MRGPRX1: variants seen among roughly 807,000 people sequenced by gnomAD.
MRGPRX1 encodes the protein mas-related G protein-coupled receptor member X1.
For synonymous variants in MRGPRX1, 208 were observed against 170.4 expected, an observed-to-expected ratio of 1.22 and a Z score of -1.72; for missense variants, 411 against 393.8, an observed-to-expected ratio of 1.04 and a Z score of -0.37.
chr11:18,937,208 A>AT (rs36027473), intron 1 of MRGPRX1, among the ~76,000 whole-genome samples: 22 of 150,984 alleles, frequency 1.5e-4, no homozygotes, highest in Non-Finnish European at 5.9e-5. Flanking sequence ...TCCTTTCCTT[A>AT]TTTTTTTTCC....
chr11:18,933,812 T>G lies in MRGPRX1; in HGVS notation c.*4A>C. ...GTCCTGTCTGACAGGGCAGAGGCTC[T>G]TCCTCACTGCTCCAATCTGCTTCCC... On this transcript the variant is annotated 3_prime_UTR_variant, in exon 2 of 2. Transcript: ENST00000526914. The G allele has an allele frequency of 6.2e-7, 1 of 1,602,240 alleles. No homozygotes were observed. Among genetic ancestry groups the G allele is most frequent in the Non-Finnish European group, 8.5e-7 (1 of 1,173,814 alleles).
intron 1 of MRGPRX1, among the ~76,000 whole-genome samples, chr11:18,935,462 A>G (rs182522451): frequency 9.9e-5 from 15 of 151,676 alleles, no homozygotes; most frequent in African/African-American, 3.6e-4. Flanking sequence ...CAAAAATGAA[A>G]GCACAATGTA....
rs773698680 is a variant in MRGPRX1, at chr11:18,933,827, A to G, written c.958T>C (p.Leu320=). The change falls in exon 2 of 2, where the codon TTG becomes CTG. Residue 320 remains leucine (L), a synonymous_variant. Transcript: ENST00000526914. ...GCAGAGGCTCTTCCTCACTGCTCCAATCTGCTTCCCGACAGCTCCAGGATT... is the reference window on the plus strand; with the variant it reads ...GCAGAGGCTCTTCCTCACTGCTCCAGTCTGCTTCCCGACAGCTCCAGGATT... ...EEILELSGSR[L]EQ 8 of 1,607,564 alleles carry G rather than the reference A, an allele frequency of 5.0e-6. 1 individual carries two copies. Among genetic ancestry groups the G allele is most frequent in the African/African-American group, 4.0e-5 (3 of 74,600 alleles).
intron 1 of MRGPRX1, among the ~76,000 whole-genome samples, 196 bp downstream of exon 1, chr11:18,939,084 C>A (rs987175292): frequency 1.3e-5 from 2 of 151,344 alleles, no homozygotes; most frequent in African/African-American, 2.4e-5. Context: ...ACAGATAAAT[C>A]AAATGGGGGG....
chr11:18,938,322 A>G (rs1430902994), intron 1 of MRGPRX1, among the ~76,000 whole-genome samples: 3 of 151,570 alleles, frequency 2.0e-5, no homozygotes, highest in African/African-American at 7.3e-5. Flanking sequence ...TCTGCTTCTA[A>G]GAAGGCCTCA....
chr11:18,934,023 A>G lies in MRGPRX1; in HGVS notation c.762T>C (p.His254=). Residue 254 remains histidine, a synonymous_variant, in exon 2 of 2, where the codon CAT becomes CAC. Coordinates refer to ENST00000526914, the MANE Select transcript of MRGPRX1 (RefSeq NM_001393578.1). ...GAGCGGACAGGAAAATAGAAACTAG[A>G]TGAACATGACAAAATAAGACTTCCC... is the stretch of plus-strand genomic sequence containing the variant. ...VDREVLFCHV[H]LVSIFLSALN... 1.2e-6 allele frequency: 2 copies of G among 1,610,896 alleles called. No homozygotes were observed. Among genetic ancestry groups the G allele is most frequent in the South Asian group, 2.2e-5 (2 of 90,806 alleles).
At chr11:18,936,669 T>C (rs1254261902) in intron 1 of MRGPRX1, among the ~76,000 whole-genome samples, 1 of 151,462 alleles carries the variant, frequency 6.6e-6, no homozygotes, top group Non-Finnish European at 1.5e-5. Context: ...TTTAGGGTAA[T>C]GGTGTGTTTG....
chr11:18,934,528 C>A lies in MRGPRX1; in HGVS notation c.257G>T (p.Ser86Ile), dbSNP rs1463530262. The change falls in exon 2 of 2, where the codon AGC becomes ATC. Residue 86 changes from serine to isoleucine, a missense_variant. Coordinates refer to ENST00000526914, the MANE Select transcript of MRGPRX1 (RefSeq NM_001393578.1). ...LSGRLIYSLLSFISIPHTISK... is the reference protein window; with the variant it reads ...LSGRLIYSLLIFISIPHTISK... ...GATGGTATGGGGGATACTGATGAAGCTTAACAGGGAATATATAAGGCGGCC... is the reference window on the plus strand; with the variant it reads ...GATGGTATGGGGGATACTGATGAAGATTAACAGGGAATATATAAGGCGGCC... 1.6e-5 allele frequency: 26 copies of A among 1,610,394 alleles called. No homozygotes were observed. The highest frequency in any genetic ancestry group is 1.9e-5 in the Non-Finnish European group (22 of 1,177,998).
intron 1 of MRGPRX1, among the ~76,000 whole-genome samples, chr11:18,936,575 T>C (rs1439744258): frequency 6.6e-6 from 1 of 151,174 alleles, no homozygotes; most frequent in Non-Finnish European, 1.5e-5. Flanking sequence ...TGCCACAGCC[T>C]TGCTTGGCCC....
At chr11:18,935,358 G>A (rs947433527) in intron 1 of MRGPRX1, 2 of 152,142 alleles carry the variant, frequency 1.3e-5, no homozygotes, top group African/African-American at 2.4e-5. Context: ...TATTCCATAA[G>A]CAGCACACTG....
chr11:18,935,393 T>C (rs1379228090), intron 1 of MRGPRX1: 1 of 151,638 alleles, frequency 6.6e-6, no homozygotes, highest in African/African-American at 2.4e-5. Flanking sequence ...ATTCATTCAA[T>C]GAATGAATGC....
At chr11:18,935,091 G>A (rs1017738466) in intron 1 of MRGPRX1, 8 of 301,404 alleles carry the variant, frequency 2.7e-5, no homozygotes, top group Non-Finnish European at 4.9e-5. Flanking sequence ...CTGTGGACCC[G>A]ATGATTACTC....
At chr11:18,936,217 G>C (rs1370556887) in intron 1 of MRGPRX1, among the ~76,000 whole-genome samples, 1 of 150,938 alleles carries the variant, frequency 6.6e-6, no homozygotes, top group African/African-American at 2.4e-5. Flanking sequence ...ACGACTCTGT[G>C]TCGATTATAC....
At chr11:18,934,914 G>C in intron 1 of MRGPRX1, 105 bp from the exon 2 acceptor site, 1 of 1,256,890 alleles carries the variant, frequency 8.0e-7, no homozygotes, top group African/African-American at 1.5e-5. Context: ...GCAGATCAGA[G>C]ACTCACAGAG....
chr11:18,934,174 C>T lies in MRGPRX1; in HGVS notation c.611G>A (p.Cys204Tyr), dbSNP rs1305350666. Residue 204 changes from cysteine (C) to tyrosine (Y), a missense_variant, in exon 2 of 2, where the codon TGT (cysteine) becomes TAT (tyrosine). Physicochemically the swap from Cys to Tyr is radical, Grantham distance 194. Coordinates refer to ENST00000526914, the MANE Select transcript of MRGPRX1 (RefSeq NM_001393578.1). ...SSLVLLIRIL[C>Y]GSRKIPLTRL... ...GGTCAGCGGTATCTTCCGGGATCCA[C>T]AGAGAATCCTGATCAGCAGGACCAG... 3 of 1,610,720 alleles carry T rather than the reference C, an allele frequency of 1.9e-6. No individual in the cohort carries two copies. Among genetic ancestry groups the T allele is most frequent in the Non-Finnish European group, 2.5e-6 (3 of 1,178,216 alleles).
chr11:18,938,132 C>T (rs1848855305), intron 1 of MRGPRX1, among the ~76,000 whole-genome samples: 1 of 151,590 alleles, frequency 6.6e-6, no homozygotes, highest in Non-Finnish European at 1.5e-5. Context: ...CTGGGAGACA[C>T]CTGGATGAGA....
Position 18,934,807 on chromosome 11 carries a change from A to C in MRGPRX1, c.-23T>G, listed in dbSNP as rs1045416362. 6.5e-7 allele frequency: 1 copy of C among 1,535,090 alleles called. No individual in the cohort carries two copies. The highest frequency in any genetic ancestry group is 2.3e-5 in the East Asian group (1 of 44,048). ...CATGCTCAGAAACCCTAGTCTGGTGACCCTGGAAACAGAAACCAGTTGTGA... is the reference window on the plus strand; with the variant it reads ...CATGCTCAGAAACCCTAGTCTGGTGCCCCTGGAAACAGAAACCAGTTGTGA... On this transcript the variant is annotated splice_region_variant and 5_prime_UTR_variant, in exon 2 of 2. Transcript: ENST00000526914.
In MRGPRX1 at chr11:18,933,798, C is replaced by T. The variant is rs758037996; in HGVS notation, c.*18G>A. On this transcript the variant is annotated 3_prime_UTR_variant, in exon 2 of 2. Coordinates refer to ENST00000526914, the MANE Select transcript of MRGPRX1 (RefSeq NM_001393578.1). ...GTGTTGCTCTCAAAGTCCTGTCTGA[C>T]AGGGCAGAGGCTCTTCCTCACTGCT... 1.5e-5 allele frequency: 24 copies of T among 1,585,534 alleles called. 1 individual carries two copies. The highest frequency in any genetic ancestry group is 3.4e-4 in the Middle Eastern group (2 of 5,914).
In MRGPRX1 at chr11:18,939,307, G is replaced by C. The variant is rs1454901003; in HGVS notation, c.-53C>G. On this transcript the variant is annotated 5_prime_UTR_variant, in exon 1 of 2. Coordinates refer to ENST00000526914, the MANE Select transcript of MRGPRX1 (RefSeq NM_001393578.1). Reference sequence around the variant, plus strand: ...TTATCTTTTTCTCCTTTGTCCAGTGGTGAAGACGTCCCTTGTGCTAAAGGT... The same window carrying C: ...TTATCTTTTTCTCCTTTGTCCAGTGCTGAAGACGTCCCTTGTGCTAAAGGT... The C allele has an allele frequency of 6.6e-6, 1 of 151,794 alleles. No individual in the cohort carries two copies. Among genetic ancestry groups the C allele is most frequent in the East Asian group, 1.9e-4 (1 of 5,164 alleles). 9.4% of individuals were successfully genotyped at this position (151,794 alleles called of 1,614,324 possible). A position where few individuals can be genotyped will look rare whatever the true frequency, so the allele number is the denominator to read the frequency against.
Sources: gnomAD v4.1 joint callset for allele counts (sites outside exome capture counted in the v4.1 genomes callset) on GRCh38, gnomAD v4.1.1 for gene constraint, MANE v1.5 for transcripts, NCBI Gene and HGNC (gene_info 2026-07-23, HGNC 2026-07-21) for gene names.